ANKIB1: variants seen among roughly 807,000 people sequenced by gnomAD.
ANKIB1 encodes ankyrin repeat and IBR domain-containing protein 1.
A neutral mutation model predicts 122.1 loss-of-function variants in ANKIB1; 43 were observed. The observed-to-expected ratio is 0.35, with a 90% CI of 0.28 to 0.45. The LOEUF (loss-of-function observed/expected upper bound fraction) is 0.45, where lower values mean the gene tolerates loss of function less well. Ranked by LOEUF, ANKIB1 falls within the 20% of genes least tolerant of loss-of-function variation. ANKIB1 has a pLI of 1.00. For synonymous variants in ANKIB1, 390 were observed against 442.0 expected (o/e 0.88, Z 1.48); for missense variants, 992 against 1,329.5 (o/e 0.75, Z 3.95).
At chr7:92,319,284 T>C in intron 3 of ANKIB1, 46 bp from the exon 4 acceptor site, 1 of 1,212,120 alleles carries the variant, frequency 8.3e-7, no homozygotes, top group Non-Finnish European at 1.2e-6. Flanking sequence ...ATGAAATAAC[T>C]TATTTGAACC....
chr7:92,255,869 G>C (rs1801433587), intron 1 of ANKIB1, among the ~76,000 whole-genome samples: 1 of 152,162 alleles, frequency 6.6e-6, no homozygotes, highest in Non-Finnish European at 1.5e-5. Context: ...TGTTCAATAA[G>C]TAATACTTAT....
Position 92,290,797 on chromosome 7 carries a change from T to G in ANKIB1, c.-90-4092T>G, listed in dbSNP as rs758897551. 3.4e-4 allele frequency among the ~76,000 whole-genome samples: 52 copies of G among 152,068 alleles called. 1 individual carries two copies. Among genetic ancestry groups the G allele is most frequent in the Non-Finnish European group, 6.8e-4 (46 of 68,016 alleles). On this transcript the variant is annotated intron_variant, in intron 1 of 19. Transcript: ENST00000265742. ...ATTTGAAGCTAGAATTATACACTTA[T>G]TTGTGGGAGTTGAAAGTTAAAATAA...
chr7:92,387,919 T>G (rs1562800196), intron 13 of ANKIB1, 35 bp downstream of exon 13: 1 of 1,607,502 alleles, frequency 6.2e-7, no homozygotes, highest in African/African-American at 1.3e-5. Flanking sequence ...AGCTGACCTA[T>G]ACTGTTGTGA....
chr7:92,271,488 A>T (rs886699200), intron 1 of ANKIB1, among the ~76,000 whole-genome samples: 2 of 152,198 alleles, frequency 1.3e-5, no homozygotes, highest in African/African-American at 4.8e-5. Flanking sequence ...GTATCTATAA[A>T]AATTCTTGCC....
chr7:92,336,506 T>C (rs1349844968), intron 5 of ANKIB1, among the ~76,000 whole-genome samples: 1 of 152,164 alleles, frequency 6.6e-6, no homozygotes, highest in African/African-American at 2.4e-5. Context: ...TTCCAGTTTT[T>C]CCACATGTCT....
intron 11 of ANKIB1, among the ~76,000 whole-genome samples, chr7:92,372,220 A>G (rs1018108564): frequency 2.4e-4 from 36 of 152,122 alleles, no homozygotes; most frequent in African/African-American, 8.2e-4. Flanking sequence ...ACTTAGGGAA[A>G]AAAATTGCAT....
rs900180224 is a variant in ANKIB1, at chr7:92,399,550, A to G, written c.*601A>G. The G allele has an allele frequency of 3.9e-5, 6 of 152,026 alleles. No homozygotes were observed. The highest frequency in any genetic ancestry group is 4.8e-5 in the African/African-American group (2 of 41,428). 9.4% of individuals were successfully genotyped at this position (152,026 alleles called of 1,614,324 possible). ...TCCTTTCATGTCTATTTACAGTCCA[A>G]TTGTGCCAAACTCTTACTTGTGTGC... is the stretch of plus-strand genomic sequence containing the variant. On this transcript the variant is annotated 3_prime_UTR_variant, in exon 20 of 20. Transcript: ENST00000265742.
At chr7:92,253,702 C>T (rs1025067979) in intron 1 of ANKIB1, among the ~76,000 whole-genome samples, 1 of 151,856 alleles carries the variant, frequency 6.6e-6, no homozygotes, top group African/African-American at 2.4e-5. Flanking sequence ...GAAAACCTTT[C>T]CATTCTTTTT....
At chr7:92,397,891 CT>C in intron 19 of ANKIB1, 32 bp downstream of exon 19, 1 of 1,584,212 alleles carries the variant, frequency 6.3e-7, no homozygotes, top group Non-Finnish European at 8.5e-7. Context: ...ATTGCCTGTG[CT>C]TTTACTCTTT....
intron 2 of ANKIB1, among the ~76,000 whole-genome samples, chr7:92,300,060 G>A (rs369860623): frequency 6.6e-6 from 1 of 152,128 alleles, no homozygotes; most frequent in South Asian, 2.1e-4. Context: ...ACCCTTCCTC[G>A]GCCTCCCAAA....
At chr7:92,284,663 T>C (rs1024518563) in intron 1 of ANKIB1, among the ~76,000 whole-genome samples, 2 of 152,206 alleles carry the variant, frequency 1.3e-5, no homozygotes, top group African/African-American at 4.8e-5. Flanking sequence ...CTTTCTTCCT[T>C]CATTCATTCA....
At chr7:92,257,608 C>T (rs1038194352) in intron 1 of ANKIB1, among the ~76,000 whole-genome samples, 1 of 152,146 alleles carries the variant, frequency 6.6e-6, no homozygotes, top group Non-Finnish European at 1.5e-5. Context: ...GCCTGACCAA[C>T]ATGGAGAAAC....
At chr7:92,331,180 A>G (rs1803164842) in intron 5 of ANKIB1, among the ~76,000 whole-genome samples, 1 of 152,126 alleles carries the variant, frequency 6.6e-6, no homozygotes, top group African/African-American at 2.4e-5. Flanking sequence ...TAATAGTCCA[A>G]AGCATTTCCA....
intron 7 of ANKIB1, among the ~76,000 whole-genome samples, chr7:92,350,378 C>T (rs913917823): frequency 2.0e-5 from 3 of 151,916 alleles, no homozygotes; most frequent in African/African-American, 7.3e-5. Context: ...CAGATTGTTT[C>T]AGATTTTTAG....
chr7:92,260,625 A>G (rs1226572591), intron 1 of ANKIB1, among the ~76,000 whole-genome samples: 7 of 151,842 alleles, frequency 4.6e-5, no homozygotes, highest in African/African-American at 1.5e-4. Context: ...TGAGGGTGCA[A>G]TGAGTCATGA....
chr7:92,379,390 T>TA lies in ANKIB1; in HGVS notation c.1618-7111dup, dbSNP rs778107729. Among the ~76,000 whole-genome samples, 55 of 152,002 alleles carry TA rather than the reference T, an allele frequency of 3.6e-4. 1 individual carries two copies. The highest frequency in any genetic ancestry group is 1.0e-3 in the African/African-American group (42 of 41,456). On this transcript the variant is annotated intron_variant, in intron 11 of 19. Coordinates refer to ENST00000265742, the MANE Select transcript of ANKIB1 (RefSeq NM_019004.2). ...CTAGGTGACAGAGCGAGACTCCATC[T>TA]AAAAAAAACTAATTCAGAAGTTATA...
At position 92,319,478 on chromosome 7, in the gene ANKIB1, T is replaced by C; in HGVS notation, c.635T>C (p.Ile212Thr). ...TCACGGGATCCCGAGGCTGAAGAAA[T>C]AGAAGCTGAATATGCTGCATTAGAC... ...VFSRDPEAEE[I>T]EAEYAALDKR... Residue 212 changes from isoleucine (I) to threonine (T), a missense_variant, in exon 4 of 20, where the codon ATA becomes ACA. By Grantham distance (89) the Ile-to-Thr change is moderately conservative. Around this residue, in one of 4 missense-constraint regions of ANKIB1, gnomAD observed 521 missense variants for 777.7 expected, o/e 0.67. Transcript: ENST00000265742. The C allele has an allele frequency of 6.2e-7, 1 of 1,612,554 alleles. No homozygotes were observed. The highest frequency in any genetic ancestry group is 1.7e-5 in the Admixed American group (1 of 59,618).
At chr7:92,316,025 A>C (rs953023058) in intron 3 of ANKIB1, among the ~76,000 whole-genome samples, 1 of 151,938 alleles carries the variant, frequency 6.6e-6, no homozygotes, top group Non-Finnish European at 1.5e-5. Context: ...AAAGCCCCCT[A>C]CCCCTCTTCC....
intron 1 of ANKIB1, among the ~76,000 whole-genome samples, chr7:92,280,164 T>C (rs968272981): frequency 3.9e-5 from 6 of 152,242 alleles, no homozygotes; most frequent in African/African-American, 1.4e-4. Context: ...CTTTCCTGAT[T>C]GGGATGATCC....
Sources: gnomAD v4.1 joint callset for allele counts (sites outside exome capture counted in the v4.1 genomes callset) on GRCh38, gnomAD v4.1.1 for gene constraint, gnomAD v4.1.1 regional missense constraint, MANE v1.5 for transcripts, NCBI Gene and HGNC (gene_info 2026-07-23, HGNC 2026-07-21) for gene names.